Variants in KALRN observed in about 807,000 individuals in gnomAD.
KALRN encodes kalirin RhoGEF kinase.
A neutral mutation model predicts 353.7 loss-of-function variants in KALRN; 70 were observed. That is an observed-to-expected ratio of 0.20 (90% CI 0.16 to 0.24). KALRN has a LOEUF of 0.24. KALRN is among the 10% of genes least tolerant of loss of function. KALRN has a pLI of 1.00. For synonymous variants in KALRN, 1,391 were observed against 1,434.8 expected (o/e 0.97, Z 0.69); for missense variants, 2,791 against 3,756.7 (o/e 0.74, Z 6.72).
intron 33 of KALRN, among the ~76,000 whole-genome samples, chr3:124,554,802 C>T (rs921196659): frequency 6.6e-6 from 1 of 152,320 alleles, no homozygotes; most frequent in South Asian, 2.1e-4. Context: ...AAAGTTCTCA[C>T]TGTGAAGTGA....
chr3:124,430,850 T>C, intron 16 of KALRN, 75 bp downstream of exon 16: 1 of 1,521,114 alleles, frequency 6.6e-7, no homozygotes, highest in South Asian at 1.3e-5. Context: ...GATTCTCAGG[T>C]GTGGGTGTTC....
At chr3:124,107,741 T>C (rs1415329455) in intron 1 of KALRN, among the ~76,000 whole-genome samples, 6 of 152,162 alleles carry the variant, frequency 3.9e-5, no homozygotes. Flanking sequence ...CCAAGAGAGC[T>C]TGCCAACAGA....
intron 13 of KALRN, among the ~76,000 whole-genome samples, chr3:124,410,661 T>C (rs886194734): frequency 2.6e-5 from 4 of 152,146 alleles, no homozygotes; most frequent in Non-Finnish European, 5.9e-5. Flanking sequence ...TCACACCCAC[T>C]AGCATGGTTA....
At chr3:124,144,188 C>T (rs2066989851) in intron 1 of KALRN, among the ~76,000 whole-genome samples, 1 of 152,112 alleles carries the variant, frequency 6.6e-6, no homozygotes, top group Admixed American at 6.5e-5. Flanking sequence ...TCCAGCTGCT[C>T]CTCTGAGATC....
At chr3:124,389,837 C>CT (rs888690951) in intron 11 of KALRN, among the ~76,000 whole-genome samples, 13 of 151,846 alleles carry the variant, frequency 8.6e-5, no homozygotes, top group South Asian at 6.3e-4. Flanking sequence ...AATTTTTTGG[C>CT]TTTTTTTTGT....
At chr3:124,447,774 T>G (rs187366289) in intron 21 of KALRN, among the ~76,000 whole-genome samples, 1 of 152,336 alleles carries the variant, frequency 6.6e-6, no homozygotes, top group East Asian at 1.9e-4. Flanking sequence ...GAGCTGATAT[T>G]TCAGAAGTGG....
At chr3:124,244,947 G>C (rs1206046162) in intron 3 of KALRN, among the ~76,000 whole-genome samples, 1 of 152,034 alleles carries the variant, frequency 6.6e-6, no homozygotes, top group Non-Finnish European at 1.5e-5. Context: ...CAAATCAGAG[G>C]CATTGAGATT....
At chr3:124,132,860 G>C (rs1243250587) in intron 1 of KALRN, 3 of 154,192 alleles carry the variant, frequency 1.9e-5, no homozygotes, top group Non-Finnish European at 2.9e-5. Flanking sequence ...GGCAGCCCCT[G>C]TCTCTTTGGG....
intron 5 of KALRN, among the ~76,000 whole-genome samples, chr3:124,289,791 T>C (rs79272581): frequency 0.045 from 6,784 of 152,316 alleles, 208 homozygotes; most frequent in Middle Eastern, 0.078. Flanking sequence ...GAATTAACAA[T>C]ATCTTCTTTG....
chr3:124,110,469 G>GCGCGCACACA (rs10634082), intron 1 of KALRN, among the ~76,000 whole-genome samples: 4 of 134,050 alleles, frequency 3.0e-5, no homozygotes, highest in East Asian at 2.0e-4. Flanking sequence ...ACACACGCGC[G>GCGCGCACACA]CACACACACA....
At chr3:124,687,327 C>T (rs1356862142) in intron 51 of KALRN, among the ~76,000 whole-genome samples, 1 of 152,136 alleles carries the variant, frequency 6.6e-6, no homozygotes, top group Admixed American at 6.5e-5. Context: ...GCATCCTCCT[C>T]AGCCCCCCAC....
At chr3:124,085,069 C>T (rs1368732694) in intron 1 of KALRN, among the ~76,000 whole-genome samples, 3 of 152,226 alleles carry the variant, frequency 2.0e-5, no homozygotes, top group African/African-American at 7.2e-5. Context: ...TTCAGCTTCC[C>T]CCACCTGATG....
At chr3:124,330,353 A>G (rs1461028789) in intron 8 of KALRN, among the ~76,000 whole-genome samples, 1 of 151,982 alleles carries the variant, frequency 6.6e-6, no homozygotes, top group Non-Finnish European at 1.5e-5. Flanking sequence ...GGAATATAAG[A>G]AAATGAAGCT....
At chr3:124,673,840 C>T (rs755306514) in intron 48 of KALRN, among the ~76,000 whole-genome samples, 19 of 152,232 alleles carry the variant, frequency 1.2e-4, no homozygotes, top group Non-Finnish European at 2.8e-4. Context: ...ATGGTCTTGC[C>T]TTTGAATTGG....
At chr3:124,455,444 T>G (rs2059213668) in intron 22 of KALRN, 85 bp downstream of exon 22, 1 of 1,359,232 alleles carries the variant, frequency 7.4e-7, no homozygotes. Context: ...AAGAAAAGCA[T>G]GTTTCCAGAG....
chr3:124,496,680 G>A (rs1194683038), intron 33 of KALRN, among the ~76,000 whole-genome samples: 1 of 152,158 alleles, frequency 6.6e-6, no homozygotes, highest in Non-Finnish European at 1.5e-5. Flanking sequence ...TGAGCAGTGA[G>A]GGAGTCTAGG....
chr3:124,045,689 C>T (rs1346512900), intron 1 of KALRN, among the ~76,000 whole-genome samples: 2 of 150,572 alleles, frequency 1.3e-5, no homozygotes, highest in Non-Finnish European at 2.9e-5. Context: ...AAGTGCCAGG[C>T]ACTGGGGGTA....
At chr3:124,276,014 G>C (rs2074684963) in intron 5 of KALRN, among the ~76,000 whole-genome samples, 1 of 152,132 alleles carries the variant, frequency 6.6e-6, no homozygotes, top group African/African-American at 2.4e-5. Context: ...CATGAGAGGT[G>C]AGCACCTGTC....
chr3:124,144,121 G>T (rs1052286545), intron 1 of KALRN, among the ~76,000 whole-genome samples: 1 of 152,084 alleles, frequency 6.6e-6, no homozygotes, highest in African/African-American at 2.4e-5. Flanking sequence ...ATCCCAAATT[G>T]ACTCAGTTGT....
Sources: allele counts gnomAD v4.1 joint callset (sites outside exome capture counted in the v4.1 genomes callset), GRCh38; gene constraint gnomAD v4.1.1; transcripts MANE v1.5; gene names NCBI Gene and HGNC (gene_info 2026-07-23, HGNC 2026-07-21).